Variants in VAC14 observed in about 807,000 individuals in gnomAD.
The protein encoded by VAC14 is VAC14 component of PIKFYVE complex.
VAC14 carries 47 observed loss-of-function variants against 85.3 expected under a neutral mutation model. The ratio of observed to expected loss-of-function variants is 0.55; its 90% CI spans 0.44 to 0.70. The LOEUF (loss-of-function observed/expected upper bound fraction) is 0.70. Ranked by LOEUF, VAC14 falls within the 30% of genes least tolerant of loss-of-function variation. The probability of loss-of-function intolerance (pLI) is 0.00; values close to 1 mark genes in which losing one functional copy is unlikely to be tolerated. For missense variants in VAC14, 861 were observed against 1,004.3 expected, an observed-to-expected ratio of 0.86 and a Z score of 1.93; for synonymous variants, 447 against 430.5, an observed-to-expected ratio of 1.04 and a Z score of -0.47.
chr16:70,700,068 G>C (rs1253289052), intron 14 of VAC14: 1 of 152,130 alleles, frequency 6.6e-6, no homozygotes, highest in Non-Finnish European at 1.5e-5. Flanking sequence ...TAGGTCGCTG[G>C]ACTCAGCCTC....
rs57682106 is a variant in VAC14 at position 70,691,221 on chromosome 16, G to C, written c.2186+1600C>G. 1,088 of 985,448 alleles carry C rather than the reference G, an allele frequency of 1.1e-3. 24 individuals carry two copies. The East Asian group carries it at 0.065, about 59-fold the overall frequency. The allele number at this position is 985,448 out of a possible 1,614,324, so 61.0% of individuals were successfully genotyped here. A position where few individuals can be genotyped will look rare whatever the true frequency, so the allele number is the denominator to read the frequency against. On this transcript the variant is annotated intron_variant, in intron 18 of 18. Coordinates refer to ENST00000261776, the MANE Select transcript of VAC14 (RefSeq NM_018052.5). ...GCCTCTGCTCCCCTCCCAAGACGAG[G>C]AGATCAGCACTCGGAGACCCGGGAG...
rs185169828 is a variant in VAC14, at chr16:70,783,088, G to A, written c.756C>T (p.Ser252=). Reference sequence around the variant, plus strand: ...TGGCCATCTCAGCAAACTTCACACTGGAGGGGTTCTTCTTAATTTCTTTTA... The same window carrying A: ...TGGCCATCTCAGCAAACTTCACACTAGAGGGGTTCTTCTTAATTTCTTTTA... ...EFLKEIKKNP[S]SVKFAEMANI... is the part of the protein sequence containing the mutation. The change falls in exon 7 of 19, where the codon TCC becomes TCT. Residue 252 remains serine, a synonymous_variant. Transcript: ENST00000261776. 10 of 1,614,134 alleles carry A rather than the reference G, an allele frequency of 6.2e-6. No homozygotes were observed. The Admixed American group carries it at 1.5e-4, about 24-fold the overall frequency.
rs1479724788 is a variant in VAC14 at position 70,762,549 on chromosome 16, T to G, written c.1362A>C (p.Glu454Asp). 6.2e-6 allele frequency: 10 copies of G among 1,614,030 alleles called. No homozygotes were observed. The highest frequency in any genetic ancestry group is 8.5e-6 in the Non-Finnish European group (10 of 1,179,990). The stretch of plus-strand genomic sequence containing the variant: ...GGCGTTGGTGACCTACCTCATCCGA[T>G]TCATCCGATAACGTCTGCAGTAGGA... ...FPILLQTLSD[E>D]SDEVILKDLE... The change falls in exon 12 of 19, where the codon GAA (glutamate) becomes GAC (aspartate). Residue 454 changes from glutamate (E) to aspartate (D), a missense_variant. This residue lies in a region of VAC14 where 629 missense variants were observed against 703.1 expected (regional missense o/e 0.89). Transcript: ENST00000261776. This position sits in a 1 kb window ranked among gnomAD's most constrained non-coding sequence, Gnocchi z 4.1.
chr16:70,724,547 GC>G (rs2054373981), intron 14 of VAC14, among the ~76,000 whole-genome samples: 3 of 152,194 alleles, frequency 2.0e-5, no homozygotes, highest in Non-Finnish European at 4.4e-5. Context: ...GTCAGACTGG[GC>G]CTCTTGGGCC....
intron 14 of VAC14, among the ~76,000 whole-genome samples, chr16:70,717,502 T>C (rs533161259): frequency 3.0e-4 from 46 of 152,350 alleles, no homozygotes; most frequent in South Asian, 1.0e-3. Flanking sequence ...CTGAATAGTA[T>C]TGATACCTTT....
intron 18 of VAC14, chr16:70,691,892 G>A (rs1386809625): frequency 3.0e-6 from 3 of 985,190 alleles, no homozygotes; most frequent in African/African-American, 3.5e-5. Context: ...TCGCAAAGGC[G>A]AGCACCCGAG....
chr16:70,720,560 T>C (rs560430958), intron 14 of VAC14, among the ~76,000 whole-genome samples: 26 of 152,124 alleles, frequency 1.7e-4, no homozygotes, highest in African/African-American at 6.3e-4. Flanking sequence ...TCTGAAGCAG[T>C]GGGAAGGGCT....
chr16:70,781,752 G>T, intron 8 of VAC14, 117 bp downstream of exon 8: 1 of 1,393,674 alleles, frequency 7.2e-7, no homozygotes, highest in East Asian at 2.4e-5. Context: ...CGAGCTGCTA[G>T]GGACTATGGA....
At chr16:70,786,100 TA>T in intron 2 of VAC14, 114 bp downstream of exon 2, 1 of 1,491,606 alleles carries the variant, frequency 6.7e-7, no homozygotes, top group Non-Finnish European at 9.0e-7. Flanking sequence ...GACAGAGTGG[TA>T]ATAAAACATA....
intron 14 of VAC14, among the ~76,000 whole-genome samples, chr16:70,720,394 C>T (rs973886228): frequency 6.6e-6 from 1 of 152,182 alleles, no homozygotes; most frequent in African/African-American, 2.4e-5. Flanking sequence ...GGCTGCCACA[C>T]CGCTTTGATC....
Position 70,762,582 on chromosome 16 carries a change from G to A in VAC14, c.1329C>T (p.Leu443=), listed in dbSNP as rs1355015090. The change falls in exon 12 of 19, where the codon CTC becomes CTT. Residue 443 remains leucine, a synonymous_variant. Coordinates refer to ENST00000261776, the MANE Select transcript of VAC14 (RefSeq NM_018052.5). The surrounding 1 kb of genome is among the most constrained non-coding windows in gnomAD (Gnocchi z 4.1). ...ATAACGTCTGCAGTAGGATGGGAAA[G>A]AGGCTGTCCGTGTGCCGGAACATCT... The part of the protein sequence containing the change: ...PRKMFRHTDS[L]FPILLQTLSD... 3.1e-6 allele frequency: 5 copies of A among 1,614,076 alleles called. No homozygotes were observed. Among genetic ancestry groups the A allele is most frequent in the Non-Finnish European group, 4.2e-6 (5 of 1,180,028 alleles).
intron 13 of VAC14, among the ~76,000 whole-genome samples, chr16:70,734,795 C>CA (rs11354461): frequency 0.06 from 8,451 of 140,022 alleles, 305 homozygotes; most frequent in Non-Finnish European, 0.091. Flanking sequence ...AACAAAGAAA[C>CA]AAAAAAAAAA....
At chr16:70,697,798 G>A (rs548092234) in intron 15 of VAC14, among the ~76,000 whole-genome samples, 1 of 152,358 alleles carries the variant, frequency 6.6e-6, no homozygotes, top group East Asian at 1.9e-4. Flanking sequence ...ACAGGAGGGA[G>A]GCAGGGCTGT....
chr16:70,770,112 C>T (rs1036919702), intron 10 of VAC14: 1 of 152,252 alleles, frequency 6.6e-6, no homozygotes, highest in African/African-American at 2.4e-5. Context: ...TCTTGACCAC[C>T]CCACCCACAC....
At chr16:70,707,166 ACT>A (rs1430889093) in intron 14 of VAC14, among the ~76,000 whole-genome samples, 1 of 151,732 alleles carries the variant, frequency 6.6e-6, no homozygotes, top group East Asian at 1.9e-4. Flanking sequence ...TTCCCTTCCA[ACT>A]CTCTGCTTCC....
At chr16:70,713,714 T>TG (rs893070602) in intron 14 of VAC14, among the ~76,000 whole-genome samples, 2 of 151,518 alleles carry the variant, frequency 1.3e-5, no homozygotes, top group Non-Finnish European at 3.0e-5. Flanking sequence ...TTTTTGTTTT[T>TG]TTTTTTTTTT....
At chr16:70,752,554 C>T (rs943655321) in intron 12 of VAC14, among the ~76,000 whole-genome samples, 9 of 152,364 alleles carry the variant, frequency 5.9e-5, no homozygotes, top group South Asian at 4.1e-4. Flanking sequence ...GAGAGCAGCA[C>T]GAGAGTGGTG....
intron 13 of VAC14, among the ~76,000 whole-genome samples, chr16:70,744,064 C>A (rs532065802): frequency 9.2e-5 from 14 of 152,236 alleles, no homozygotes; most frequent in Middle Eastern, 3.4e-3. Context: ...AGTCTTCCAC[C>A]TGTTAGACCC....
At chr16:70,697,997 G>A (rs925926314) in intron 15 of VAC14, among the ~76,000 whole-genome samples, 3 of 152,068 alleles carry the variant, frequency 2.0e-5, no homozygotes, top group Non-Finnish European at 4.4e-5. Context: ...CACCCCAGCC[G>A]GGACACGAGA....
Sources: allele counts gnomAD v4.1 joint callset (sites outside exome capture counted in the v4.1 genomes callset), GRCh38; gene constraint gnomAD v4.1.1; regional missense constraint gnomAD v4.1.1; non-coding constraint Gnocchi (gnomAD v3.1); transcripts MANE v1.5; gene names NCBI Gene and HGNC (gene_info 2026-07-23, HGNC 2026-07-21).